The following GRID2 variants were observed in gnomAD, a reference collection of about 807,000 sequenced individuals.
GRID2 encodes the protein glutamate ionotropic receptor delta type subunit 2, also known as glutamate receptor ionotropic, delta-2.
Under a neutral mutation model 114.8 loss-of-function variants are expected in GRID2, and 33 were observed. That is an observed-to-expected ratio of 0.29 (90% CI 0.22 to 0.38). GRID2 has a LOEUF of 0.38. Ranked by LOEUF, GRID2 falls within the 10% of genes least tolerant of loss-of-function variation. GRID2 has a pLI of 1.00. For missense variants in GRID2, 1,184 were observed against 1,257.7 expected (o/e 0.94, Z 0.89); for synonymous variants, 505 against 449.9 (o/e 1.12, Z -1.55).
At chr4:92,499,979 C>T (rs1361771248) in intron 1 of GRID2, among the ~76,000 whole-genome samples, 1 of 152,150 alleles carries the variant, frequency 6.6e-6, no homozygotes, top group African/African-American at 2.4e-5. Context: ...ATTTTAAATT[C>T]AGGATTATAG....
chr4:92,446,746 C>G (rs1733491591), intron 1 of GRID2, among the ~76,000 whole-genome samples: 1 of 152,166 alleles, frequency 6.6e-6, no homozygotes. Flanking sequence ...AAGTCTACAG[C>G]CTGTTCTATT....
chr4:93,029,736 A>G (rs992530191), intron 2 of GRID2, among the ~76,000 whole-genome samples: 1 of 152,176 alleles, frequency 6.6e-6, no homozygotes, highest in Non-Finnish European at 1.5e-5. Context: ...TCTTCCTCCA[A>G]TTATTTATAT....
chr4:93,493,212 T>C (rs887336636), intron 12 of GRID2, among the ~76,000 whole-genome samples: 1 of 151,888 alleles, frequency 6.6e-6, no homozygotes, highest in East Asian at 1.9e-4. Context: ...CTTTGAAGTG[T>C]TTTTAAATAA....
chr4:92,511,080 A>G (rs1724222042), intron 1 of GRID2, among the ~76,000 whole-genome samples: 1 of 151,814 alleles, frequency 6.6e-6, no homozygotes, highest in African/African-American at 2.4e-5. Context: ...AGGCTGGGTT[A>G]TTTACAAAGA....
intron 8 of GRID2, among the ~76,000 whole-genome samples, chr4:93,348,287 A>G (rs1237335896): frequency 6.6e-6 from 1 of 152,186 alleles, no homozygotes; most frequent in Non-Finnish European, 1.5e-5. Context: ...ATTGAAGGTA[A>G]TATCTGTTTA....
At chr4:93,432,525 T>A (rs974018456) in intron 10 of GRID2, among the ~76,000 whole-genome samples, 9 of 152,114 alleles carry the variant, frequency 5.9e-5, no homozygotes, top group Admixed American at 3.3e-4. Context: ...GTTCTAGAAT[T>A]TGACCTTGAG....
In GRID2 at chr4:92,955,870, G is replaced by T. The variant is rs533821132; in HGVS notation, c.245-129125G>T. On this transcript the variant is annotated intron_variant, in intron 2 of 15. Coordinates refer to ENST00000282020, the MANE Select transcript of GRID2 (RefSeq NM_001510.4). The stretch of plus-strand genomic sequence containing the variant: ...TTTTCCCAGCACCATTTATTAAATA[G>T]GGAATCCTTTCCCCATTGCTTGTTT... Among the ~76,000 whole-genome samples the T allele has an allele frequency of 8.3e-4, 126 of 152,164 alleles. 1 individual carries two copies. The highest frequency in any genetic ancestry group is 2.8e-3 in the African/African-American group (118 of 41,534).
intron 5 of GRID2, among the ~76,000 whole-genome samples, chr4:93,214,586 C>T (rs1033184302): frequency 1.5e-4 from 23 of 151,968 alleles, no homozygotes; most frequent in Admixed American, 6.6e-5. Flanking sequence ...ATTCTTTCTT[C>T]CCAGAAAATT....
At chr4:92,311,544 T>C (rs1348777910) in intron 1 of GRID2, among the ~76,000 whole-genome samples, 1 of 152,098 alleles carries the variant, frequency 6.6e-6, no homozygotes, top group Non-Finnish European at 1.5e-5. Flanking sequence ...TAGTAAATTA[T>C]ATTACAATAG....
intron 9 of GRID2, among the ~76,000 whole-genome samples, chr4:93,422,502 G>A (rs1768387745): frequency 6.6e-6 from 1 of 152,044 alleles, no homozygotes; most frequent in South Asian, 2.1e-4. Flanking sequence ...CCGAGGACAG[G>A]AAAAATAAAT....
chr4:93,192,873 A>G (rs184354756), intron 4 of GRID2, among the ~76,000 whole-genome samples: 2 of 152,188 alleles, frequency 1.3e-5, no homozygotes, highest in Admixed American at 1.3e-4. Flanking sequence ...GAACTAAGGT[A>G]TTGCCTGCCT....
intron 13 of GRID2, among the ~76,000 whole-genome samples, chr4:93,561,644 G>C (rs1012583277): frequency 6.6e-6 from 1 of 152,034 alleles, no homozygotes; most frequent in Non-Finnish European, 1.5e-5. Context: ...CTACCATACA[G>C]AATTGTTTCA....
At chr4:92,376,141 C>T (rs1729343556) in intron 1 of GRID2, among the ~76,000 whole-genome samples, 1 of 151,696 alleles carries the variant, frequency 6.6e-6, no homozygotes, top group Admixed American at 6.6e-5. Context: ...TACCCTGTAT[C>T]TACTAAAAAA....
chr4:92,503,023 T>TA, intron 1 of GRID2, among the ~76,000 whole-genome samples: 2 of 152,118 alleles, frequency 1.3e-5, no homozygotes, highest in South Asian at 4.2e-4. Flanking sequence ...AAAGCAAAGA[T>TA]AAAAAATTAA....
At chr4:92,957,981 A>C (rs960183032) in intron 2 of GRID2, among the ~76,000 whole-genome samples, 1 of 152,066 alleles carries the variant, frequency 6.6e-6, no homozygotes, top group African/African-American at 2.4e-5. Context: ...AAAGTGATTA[A>C]CTTGTGTATA....
intron 2 of GRID2, among the ~76,000 whole-genome samples, chr4:92,649,342 C>A (rs1731812780): frequency 6.7e-6 from 1 of 150,180 alleles, no homozygotes. Context: ...TAACTCCAAG[C>A]CTGAGTGTGA....
At chr4:92,447,771 A>G (rs1480546898) in intron 1 of GRID2, among the ~76,000 whole-genome samples, 1 of 152,174 alleles carries the variant, frequency 6.6e-6, no homozygotes, top group Admixed American at 6.5e-5. Flanking sequence ...AAGCAAGCTA[A>G]CATTCTGAGT....
At chr4:93,304,407 T>C (rs1011397419) in intron 8 of GRID2, among the ~76,000 whole-genome samples, 14 of 151,844 alleles carry the variant, frequency 9.2e-5, no homozygotes, top group Admixed American at 6.6e-5. Flanking sequence ...ACCACAAATA[T>C]AGGATTTTTA....
At chr4:92,809,336 T>C (rs1332755124) in intron 2 of GRID2, among the ~76,000 whole-genome samples, 3 of 151,940 alleles carry the variant, frequency 2.0e-5, no homozygotes, top group African/African-American at 7.2e-5. Flanking sequence ...GGAACTATTG[T>C]CAAGGAACTA....
Sources: allele counts gnomAD v4.1 joint callset (sites outside exome capture counted in the v4.1 genomes callset), GRCh38; gene constraint gnomAD v4.1.1; transcripts MANE v1.5; gene names NCBI Gene and HGNC (gene_info 2026-07-23, HGNC 2026-07-21).